The following NFE2L2 variants were observed in gnomAD, a reference collection of about 807,000 sequenced individuals.
The protein encoded by NFE2L2 is NFE2 like bZIP transcription factor 2, also known as nuclear factor erythroid 2-related factor 2.
Under a neutral mutation model 49.6 loss-of-function variants are expected in NFE2L2, and 20 were observed. The ratio of observed to expected loss-of-function variants is 0.40; its 90% confidence interval spans 0.28 to 0.59. NFE2L2 has a LOEUF of 0.59. Among genes scored for constraint, NFE2L2 ranks in the 20% least tolerant of loss-of-function variants. The pLI, the probability that NFE2L2 is intolerant of heterozygous loss-of-function variation, is 0.40. For synonymous variants in NFE2L2, 244 were observed against 256.5 expected (o/e 0.95, Z 0.47); for missense variants, 578 against 714.2 (o/e 0.81, Z 2.17).
At chr2:177,246,877 C>T (rs567642984) in intron 1 of NFE2L2, among the ~76,000 whole-genome samples, 3 of 146,948 alleles carry the variant, frequency 2.0e-5, no homozygotes, top group Non-Finnish European at 3.0e-5. Flanking sequence ...GGATTACAGG[C>T]GTGAGCCACT....
Position 177,263,555 on chromosome 2 carries a change from G to T in NFE2L2, c.45+977C>A, listed in dbSNP as rs572899544. On this transcript the variant is annotated intron_variant, in intron 1 of 4. Coordinates refer to ENST00000397062, the MANE Select transcript of NFE2L2 (RefSeq NM_006164.5). Reference sequence around the variant, plus strand: ...TGTCCCTTGGCCCTGGCGCGGCGAGGTTTGCACGCTATAAAGCAGGAAAGG... The same window carrying T: ...TGTCCCTTGGCCCTGGCGCGGCGAGTTTTGCACGCTATAAAGCAGGAAAGG... 6,288 of 985,544 alleles carry T rather than the reference G, an allele frequency of 6.4e-3. 28 individuals are homozygous for T. Among genetic ancestry groups the T allele is most frequent in the Non-Finnish European group, 7.2e-3 (6,011 of 829,972 alleles). The allele number at this position is 985,544 out of a possible 1,614,324, so 61.0% of individuals were successfully genotyped here. A position where few individuals can be genotyped will look rare whatever the true frequency, so the allele number is the denominator to read the frequency against.
At chr2:177,248,368 T>C (rs978131536) in intron 1 of NFE2L2, among the ~76,000 whole-genome samples, 2 of 152,222 alleles carry the variant, frequency 1.3e-5, no homozygotes, top group African/African-American at 2.4e-5. Context: ...TAATGGCCTA[T>C]GAAATTGTTA....
chr2:177,245,933 C>G (rs1480369252), intron 1 of NFE2L2, among the ~76,000 whole-genome samples: 1 of 152,118 alleles, frequency 6.6e-6, no homozygotes, highest in Non-Finnish European at 1.5e-5. Flanking sequence ...TCTAGATGAA[C>G]ACGTTGAGGC....
At chr2:177,263,530 T>C (rs1222737272) in intron 1 of NFE2L2, 17 of 985,406 alleles carry the variant, frequency 1.7e-5, no homozygotes, top group Non-Finnish European at 1.9e-5. Context: ...AGCTCCAACC[T>C]GTCCCTTGGC....
At chr2:177,252,203 C>T (rs914637765) in intron 1 of NFE2L2, among the ~76,000 whole-genome samples, 3 of 152,068 alleles carry the variant, frequency 2.0e-5, no homozygotes, top group African/African-American at 4.8e-5. Flanking sequence ...AATGACATAA[C>T]CTCTCTTTGC....
chr2:177,239,161 AT>A (rs2093156903), intron 1 of NFE2L2, among the ~76,000 whole-genome samples: 1 of 152,206 alleles, frequency 6.6e-6, no homozygotes. Context: ...ATGAAGCATT[AT>A]TTAGACTAGC....
At chr2:177,248,920 C>A (rs1188035492) in intron 1 of NFE2L2, among the ~76,000 whole-genome samples, 1 of 152,022 alleles carries the variant, frequency 6.6e-6, no homozygotes, top group Non-Finnish European at 1.5e-5. Context: ...TAGCGTGGGC[C>A]CCTAAAAACT....
chr2:177,263,603 G>A (rs1690823251), intron 1 of NFE2L2: 1 of 985,344 alleles, frequency 1.0e-6, no homozygotes, highest in Admixed American at 6.1e-5. Flanking sequence ...CTGCTGTGAC[G>A]GCCAACCGAG....
intron 1 of NFE2L2, 161 bp downstream of exon 1, chr2:177,264,371 C>T: frequency 1.5e-6 from 1 of 656,504 alleles, no homozygotes; most frequent in Non-Finnish European, 2.3e-6. Flanking sequence ...CCTCCCCGCC[C>T]TGCCCCGGCG....
chr2:177,260,532 TAGTTC>T (rs1229940063), intron 1 of NFE2L2, among the ~76,000 whole-genome samples: 1 of 152,250 alleles, frequency 6.6e-6, no homozygotes, highest in Non-Finnish European at 1.5e-5. Flanking sequence ...ATGCTTGCTA[TAGTTC>T]AGAAGTGCCA....
At chr2:177,239,661 A>T (rs2105467141) in intron 1 of NFE2L2, among the ~76,000 whole-genome samples, 1 of 152,320 alleles carries the variant, frequency 6.6e-6, no homozygotes, top group African/African-American at 2.4e-5. Flanking sequence ...TGGGTAACAA[A>T]GTGAGACCTT....
chr2:177,247,171 G>A (rs1310737832), intron 1 of NFE2L2, among the ~76,000 whole-genome samples: 1 of 152,004 alleles, frequency 6.6e-6, no homozygotes, highest in African/African-American at 2.4e-5. Context: ...TTTTACACTC[G>A]CACCAGCAGT....
rs752802228 is a variant in NFE2L2, at chr2:177,231,788, T to G, written c.815A>C (p.Asn272Thr). 6.2e-7 allele frequency: 1 copy of G among 1,614,234 alleles called. No individual in the cohort carries two copies. The highest frequency in any genetic ancestry group is 1.1e-5 in the South Asian group (1 of 91,088). ...DPNQLTVNSL[N>T]SDATVNTDFG... The stretch of plus-strand genomic sequence containing the variant: ...ATCTGTGTTGACTGTGGCATCTGAA[T>G]TTAATGAGTTCACTGTCAACTGGTT... The change falls in exon 5 of 5, where the codon AAT becomes ACT. Residue 272 changes from asparagine to threonine, a missense_variant. Transcript: ENST00000397062.
intron 1 of NFE2L2, among the ~76,000 whole-genome samples, chr2:177,249,410 G>T (rs1233378243): frequency 6.6e-6 from 1 of 152,040 alleles, no homozygotes; most frequent in Non-Finnish European, 1.5e-5. Context: ...TCTGGCCTTG[G>T]TCTTATCACT....
chr2:177,234,015 T>C lies in NFE2L2; in HGVS notation c.302A>G (p.Asn101Ser), dbSNP rs371831443. The C allele has an allele frequency of 1.3e-5, 21 of 1,614,116 alleles. No individual in the cohort carries two copies. The highest frequency in any genetic ancestry group is 5.3e-5 in the African/African-American group (4 of 74,940). Reference protein sequence around the residue: ...HIQSETSGSANYSQVAHIPKS... With the variant: ...HIQSETSGSASYSQVAHIPKS... ...CTGAGTACTCTGTACCTGGGAGTAG[T>C]TGGCAGATCCACTGGTTTCTGACTG... The change falls in exon 2 of 5, where the codon AAC becomes AGC. Residue 101 changes from asparagine (N) to serine (S), a missense_variant. By Grantham distance (46) the Asn-to-Ser change is conservative. Transcript: ENST00000397062.
chr2:177,264,307 C>CG (rs1690858709), intron 1 of NFE2L2: 1 of 490,098 alleles, frequency 2.0e-6, no homozygotes, highest in Admixed American at 4.5e-5. Flanking sequence ...ACTTCCCACC[C>CG]GTTCGCCCTC....
Position 177,231,716 on chromosome 2 carries a change from C to G in NFE2L2, c.887G>C (p.Ser296Thr). Residue 296 changes from serine to threonine, a missense_variant, in exon 5 of 5, where the codon AGC (serine) becomes ACC (threonine). Physicochemically the swap from Ser to Thr is moderately conservative, Grantham distance 58 (BLOSUM62 1). Transcript: ENST00000397062. ...YSAFIAEPSI[S>T]NSMPSPATLS... ...AGTAGCAGGTGAGGGCATGCTGTTG[C>G]TGATACTGGGCTCAGCTATGAAAGC... is the stretch of plus-strand genomic sequence containing the variant. The G allele has an allele frequency of 6.2e-7, 1 of 1,614,190 alleles. No individual in the cohort carries two copies. Among genetic ancestry groups the G allele is most frequent in the African/African-American group, 1.3e-5 (1 of 75,060 alleles).
chr2:177,231,863 A>G lies in NFE2L2; in HGVS notation c.740T>C (p.Leu247Pro). ...GCTGAAGGAATCCTCAAAAGCATTA[A>G]GAAAATGTGGACTACAGTTACCTAC... ...KEVGNCSPHF[L>P]NAFEDSFSSI... The change falls in exon 5 of 5, where the codon CTT (leucine) becomes CCT (proline). Residue 247 changes from leucine to proline, a missense_variant. By Grantham distance (98) the Leu-to-Pro change is moderately conservative. This residue lies in a region of NFE2L2 where 368 missense variants were observed against 384.6 expected (regional missense o/e 0.96). Coordinates refer to ENST00000397062, the MANE Select transcript of NFE2L2 (RefSeq NM_006164.5). 6.2e-7 allele frequency: 1 copy of G among 1,614,200 alleles called. No homozygotes were observed. The highest frequency in any genetic ancestry group is 8.5e-7 in the Non-Finnish European group (1 of 1,180,032).
At chr2:177,242,387 G>A (rs1474573724) in intron 1 of NFE2L2, among the ~76,000 whole-genome samples, 1 of 152,138 alleles carries the variant, frequency 6.6e-6, no homozygotes, top group African/African-American at 2.4e-5. Flanking sequence ...CCCTTATCTT[G>A]AATAACTAGA....
Sources: gnomAD v4.1 joint callset for allele counts (sites outside exome capture counted in the v4.1 genomes callset) on GRCh38, gnomAD v4.1.1 for gene constraint, gnomAD v4.1.1 regional missense constraint, MANE v1.5 for transcripts, NCBI Gene and HGNC (gene_info 2026-07-23, HGNC 2026-07-21) for gene names.